CAPN13: variants seen among roughly 807,000 people sequenced by gnomAD.
CAPN13 encodes calpain 13.
Under a neutral mutation model 98.4 loss-of-function variants are expected in CAPN13, and 90 were observed. The observed-to-expected ratio is 0.92, with a 90% CI of 0.77 to 1.09. The LOEUF (loss-of-function observed/expected upper bound fraction) is 1.09. CAPN13 is among the 50% of genes least tolerant of loss of function. CAPN13 has a pLI of 0.00. For missense variants in CAPN13, 887 were observed against 841.3 expected, an observed-to-expected ratio of 1.05 and a Z score of -0.67; for synonymous variants, 330 against 305.5, an observed-to-expected ratio of 1.08 and a Z score of -0.84.
chr2:30,745,234 T>C (rs1028651274), intron 12 of CAPN13: 1 of 472,696 alleles, frequency 2.1e-6, no homozygotes, highest in Non-Finnish European at 4.4e-6. Flanking sequence ...TATGGGCAAG[T>C]CACCTTTCAC....
At chr2:30,734,131 C>T (rs964990576) in intron 19 of CAPN13, among the ~76,000 whole-genome samples, 2 of 152,190 alleles carry the variant, frequency 1.3e-5, no homozygotes, top group Admixed American at 6.5e-5. Flanking sequence ...GAGCTGGAAG[C>T]GCGTCTCCAA....
At chr2:30,798,948 C>T (rs985455440) in intron 1 of CAPN13, among the ~76,000 whole-genome samples, 4 of 152,166 alleles carry the variant, frequency 2.6e-5, no homozygotes, top group African/African-American at 9.7e-5. Flanking sequence ...TTTAATTACA[C>T]TGTTTAACAC....
Position 30,764,213 on chromosome 2 carries a change from G to C in CAPN13, c.618C>G (p.His206Gln), listed in dbSNP as rs758394541. ...CCTTCACCAGGTCCACAGGGGAAGA[G>C]TGCAGATGGATGTTGGTGATCACGC... Reference protein sequence around the residue: ...TGGVITNIHLHSSPVDLVKAV... With the variant: ...TGGVITNIHLQSSPVDLVKAV... Residue 206 changes from histidine to glutamine, a missense_variant, in exon 6 of 23, where the codon CAC becomes CAG. Transcript: ENST00000295055. The C allele has an allele frequency of 4.3e-6, 7 of 1,612,158 alleles. No homozygotes were observed. Among genetic ancestry groups the C allele is most frequent in the Non-Finnish European group, 3.4e-6 (4 of 1,179,198 alleles).
At chr2:30,796,173 T>TAC (rs1674855431) in intron 1 of CAPN13, among the ~76,000 whole-genome samples, 1 of 139,142 alleles carries the variant, frequency 7.2e-6, no homozygotes, top group African/African-American at 2.9e-5. Context: ...TATATGTGTG[T>TAC]ATATATATAT....
At chr2:30,787,460 G>A (rs1392045367) in intron 1 of CAPN13, 103 bp from the exon 2 acceptor site, 1 of 820,038 alleles carries the variant, frequency 1.2e-6, no homozygotes, top group East Asian at 2.7e-5. Context: ...CCCTTTACAG[G>A]GACTGAGACT....
chr2:30,743,734 A>T (rs1298656583), intron 12 of CAPN13, 155 bp from the exon 13 acceptor site: 2 of 737,772 alleles, frequency 2.7e-6, no homozygotes, highest in South Asian at 3.0e-5. Flanking sequence ...TGAAGTCTCA[A>T]AAAGCAGTAG....
intron 5 of CAPN13, among the ~76,000 whole-genome samples, chr2:30,769,287 C>T (rs1434941955): frequency 2.0e-5 from 3 of 151,886 alleles, no homozygotes; most frequent in African/African-American, 4.8e-5. Context: ...TAAGTATTGT[C>T]GGGTTGTCCT....
intron 8 of CAPN13, among the ~76,000 whole-genome samples, chr2:30,755,344 A>AGT (rs1672390836): frequency 6.6e-6 from 1 of 152,076 alleles, no homozygotes; most frequent in East Asian, 1.9e-4. Flanking sequence ...ATGTCTCACT[A>AGT]GACTCCCAGA....
At chr2:30,734,590 T>C in intron 18 of CAPN13, 66 bp from the exon 19 acceptor site, 2 of 1,302,590 alleles carry the variant, frequency 1.5e-6, no homozygotes, top group South Asian at 2.5e-5. Context: ...TCCTTTTCCA[T>C]CCTGGGAGCT....
intron 20 of CAPN13, 61 bp from the exon 21 acceptor site, chr2:30,731,460 G>C: frequency 6.8e-7 from 1 of 1,481,424 alleles, no homozygotes; most frequent in Middle Eastern, 1.8e-4. Flanking sequence ...GCAGTTCAGG[G>C]GAGGCAGGCC....
At chr2:30,746,146 C>T (rs1671899830) in intron 11 of CAPN13, among the ~76,000 whole-genome samples, 1 of 152,124 alleles carries the variant, frequency 6.6e-6, no homozygotes, top group Non-Finnish European at 1.5e-5. Flanking sequence ...ATCTGCCTGC[C>T]TTGGCCTTCC....
intron 19 of CAPN13, 44 bp from the exon 20 acceptor site, chr2:30,732,610 CG>C: frequency 6.3e-7 from 1 of 1,579,696 alleles, no homozygotes. Context: ...GGCTAGGGCT[CG>C]GGGGTTCCTC....
intron 5 of CAPN13, among the ~76,000 whole-genome samples, chr2:30,769,989 T>C (rs1417005653): frequency 6.6e-6 from 1 of 152,140 alleles, no homozygotes; most frequent in Non-Finnish European, 1.5e-5. Flanking sequence ...TGAGTCAGAG[T>C]CAGAATTGTT....
At chr2:30,758,391 T>A (rs1572828391) in intron 7 of CAPN13, among the ~76,000 whole-genome samples, 1 of 152,368 alleles carries the variant, frequency 6.6e-6, no homozygotes, top group East Asian at 1.9e-4. Context: ...AACTTCATCA[T>A]TCCCTAAGAC....
chr2:30,757,041 AGCACCGTCC>A (rs1365108224), intron 8 of CAPN13, among the ~76,000 whole-genome samples: 1 of 152,162 alleles, frequency 6.6e-6, no homozygotes, highest in Non-Finnish European at 1.5e-5. Flanking sequence ...CCTTCCAGAA[AGCACCGTCC>A]TCACTGTATT....
rs72100161 is a variant in CAPN13, at chr2:30,805,747, CT to C, written c.-33+1554del. Among the ~76,000 whole-genome samples the C allele has an allele frequency of 9.1e-5, 11 of 121,506 alleles. 1 individual carries two copies. Among genetic ancestry groups the C allele is most frequent in the Admixed American group, 2.4e-4 (3 of 12,466 alleles). 79.7% of individuals were successfully genotyped at this position (121,506 alleles called of 152,430 possible). A position where few individuals can be genotyped will look rare whatever the true frequency, so the allele number is the denominator to read the frequency against. ...TGAGCCTCAGGGCCAGTAGGTTGGTCTTTTTTTTTTGAGACAGGGTCTTGCT... is the reference window on the plus strand; with the variant it reads ...TGAGCCTCAGGGCCAGTAGGTTGGTCTTTTTTTTTGAGACAGGGTCTTGCT... On this transcript the variant is annotated intron_variant, in intron 1 of 22. Coordinates refer to ENST00000295055, the MANE Select transcript of CAPN13 (RefSeq NM_144575.3).
At chr2:30,771,453 C>T (rs1478986415) in intron 4 of CAPN13, among the ~76,000 whole-genome samples, 2 of 152,180 alleles carry the variant, frequency 1.3e-5, no homozygotes, top group African/African-American at 2.4e-5. Context: ...ACAGATATGT[C>T]AGTGGAGACA....
Position 30,764,309 on chromosome 2 carries a change from G to A in CAPN13, c.525-3C>T, listed in dbSNP as rs758226537. On this transcript the variant is annotated splice_polypyrimidine_tract_variant and splice_region_variant and intron_variant, in intron 5 of 22. Transcript: ENST00000295055. ...GATCGGAATAGGATCCGAGCAGCCTGGGAGGGAATGGGGGATGAACCATCG... is the reference window on the plus strand; with the variant it reads ...GATCGGAATAGGATCCGAGCAGCCTAGGAGGGAATGGGGGATGAACCATCG... The A allele has an allele frequency of 4.3e-6, 7 of 1,612,950 alleles. No homozygotes were observed. In the South Asian group the frequency reaches 5.5e-5, roughly 13 times the overall value.
chr2:30,758,597 G>A (rs893646943), intron 7 of CAPN13, among the ~76,000 whole-genome samples: 79 of 152,130 alleles, frequency 5.2e-4, no homozygotes, highest in Non-Finnish European at 4.4e-5. Flanking sequence ...CAGCACTGTC[G>A]TGAGTGAGGA....
Sources: gnomAD v4.1 joint callset for allele counts (sites outside exome capture counted in the v4.1 genomes callset) on GRCh38, gnomAD v4.1.1 for gene constraint, MANE v1.5 for transcripts, NCBI Gene and HGNC (gene_info 2026-07-23, HGNC 2026-07-21) for gene names.